Variants in GABRA2 observed in about 807,000 individuals in gnomAD.
GABRA2 encodes the protein gamma-aminobutyric acid receptor subunit alpha-2.
In GABRA2, 16 loss-of-function variants were observed where a neutral mutation model predicts 48.7. The observed-to-expected ratio is 0.33, with a 90% CI of 0.22 to 0.50. The LOEUF is 0.50. Among genes scored for constraint, GABRA2 ranks in the 20% least tolerant of loss-of-function variants. The pLI is 0.98. For synonymous variants in GABRA2, 185 were observed against 184.5 expected, an observed-to-expected ratio of 1.00 and a Z score of -0.02; for missense variants, 275 against 535.6, an observed-to-expected ratio of 0.51 and a Z score of 4.80.
At chr4:46,371,380 T>G (rs879677721) in intron 3 of GABRA2, among the ~76,000 whole-genome samples, 3 of 152,144 alleles carry the variant, frequency 2.0e-5, no homozygotes, top group African/African-American at 4.8e-5. Context: ...GTGTGGTAAT[T>G]TTTTACCATA....
At chr4:46,353,027 A>G (rs1735395867) in intron 3 of GABRA2, among the ~76,000 whole-genome samples, 1 of 152,094 alleles carries the variant, frequency 6.6e-6, no homozygotes, top group Non-Finnish European at 1.5e-5. Flanking sequence ...TGTGCATATC[A>G]TTTTTAATAA....
chr4:46,347,803 GA>G lies in GABRA2; in HGVS notation c.188-15122del, dbSNP rs749257090. ...AAGGAAACAATTAGCAGATGGAAGA[GA>G]AAAAAACACAGACTGGGAGAAAATA... On this transcript the variant is annotated intron_variant, in intron 3 of 9. Transcript: ENST00000381620. Among the ~76,000 whole-genome samples, 47 of 151,872 alleles carry G rather than the reference GA, an allele frequency of 3.1e-4. 1 individual carries two copies. The East Asian group carries it at 5.6e-3, about 18-fold the overall frequency.
chr4:46,354,580 T>C (rs1735669556), intron 3 of GABRA2, among the ~76,000 whole-genome samples: 1 of 152,126 alleles, frequency 6.6e-6, no homozygotes, highest in Non-Finnish European at 1.5e-5. Flanking sequence ...CTTCTAAGTG[T>C]CTCTAATGAT....
intron 3 of GABRA2, among the ~76,000 whole-genome samples, chr4:46,333,681 C>T (rs1414696441): frequency 1.3e-5 from 2 of 152,124 alleles, no homozygotes; most frequent in East Asian, 1.9e-4. Flanking sequence ...ACTTTGAATG[C>T]CTACTACATA....
intron 3 of GABRA2, among the ~76,000 whole-genome samples, chr4:46,363,249 C>T (rs892805475): frequency 2.6e-5 from 4 of 151,818 alleles, no homozygotes; most frequent in Non-Finnish European, 5.9e-5. Flanking sequence ...AATAAAGTGG[C>T]CGGGGGAGTA....
At chr4:46,316,734 T>C (rs1341134683) in intron 4 of GABRA2, among the ~76,000 whole-genome samples, 1 of 151,968 alleles carries the variant, frequency 6.6e-6, no homozygotes, top group Admixed American at 6.6e-5. Flanking sequence ...ATAAATAATA[T>C]ATGTTCATGT....
At chr4:46,347,188 A>G (rs1353074547) in intron 3 of GABRA2, among the ~76,000 whole-genome samples, 1 of 151,996 alleles carries the variant, frequency 6.6e-6, no homozygotes, top group Non-Finnish European at 1.5e-5. Context: ...TACAGATTCA[A>G]TGCAATTCCT....
chr4:46,296,943 G>A (rs1489906780), intron 8 of GABRA2, among the ~76,000 whole-genome samples: 1 of 152,116 alleles, frequency 6.6e-6, no homozygotes, highest in Non-Finnish European at 1.5e-5. Flanking sequence ...TTGGCATTTG[G>A]GTTGGGGATT....
intron 3 of GABRA2, among the ~76,000 whole-genome samples, chr4:46,335,761 G>T (rs1330279042): frequency 6.6e-6 from 1 of 151,996 alleles, no homozygotes; most frequent in Non-Finnish European, 1.5e-5. Context: ...ATGAGCCACC[G>T]TGCCTGGCCC....
intron 8 of GABRA2, among the ~76,000 whole-genome samples, chr4:46,263,260 A>C (rs185111912): frequency 2.0e-5 from 3 of 152,084 alleles, no homozygotes; most frequent in Admixed American, 2.0e-4. Flanking sequence ...GTATTGAGGA[A>C]GATATGGGGC....
At chr4:46,339,340 G>C (rs1732808292) in intron 3 of GABRA2, among the ~76,000 whole-genome samples, 1 of 151,790 alleles carries the variant, frequency 6.6e-6, no homozygotes, top group Non-Finnish European at 1.5e-5. Flanking sequence ...ATCACAGAAA[G>C]TTCTGTAAAA....
At chr4:46,294,319 A>G (rs1418942500) in intron 8 of GABRA2, among the ~76,000 whole-genome samples, 1 of 152,206 alleles carries the variant, frequency 6.6e-6, no homozygotes, top group Non-Finnish European at 1.5e-5. Flanking sequence ...GGGCACTTCT[A>G]CCTCAGTAAA....
chr4:46,277,861 T>C (rs1403441693), intron 8 of GABRA2, among the ~76,000 whole-genome samples: 1 of 152,200 alleles, frequency 6.6e-6, no homozygotes, highest in Non-Finnish European at 1.5e-5. Flanking sequence ...GAGTCCCTGC[T>C]TTACCAGATC....
At chr4:46,283,622 A>G (rs188864168) in intron 8 of GABRA2, among the ~76,000 whole-genome samples, 22 of 152,358 alleles carry the variant, frequency 1.4e-4, no homozygotes, top group Admixed American at 1.2e-3. Context: ...TTACTCTAAA[A>G]TTGATATAAA....
chr4:46,277,984 TAGAC>T (rs954411854), intron 8 of GABRA2, among the ~76,000 whole-genome samples: 1 of 152,228 alleles, frequency 6.6e-6, no homozygotes, highest in Non-Finnish European at 1.5e-5. Flanking sequence ...TCTATCTAGC[TAGAC>T]AGTTTTCATG....
At chr4:46,323,039 G>C (rs1420436431) in intron 4 of GABRA2, among the ~76,000 whole-genome samples, 1 of 151,294 alleles carries the variant, frequency 6.6e-6, no homozygotes, top group Non-Finnish European at 1.5e-5. Flanking sequence ...TTTAAATATT[G>C]TTGTCTTTTA....
At chr4:46,388,980 C>T in intron 1 of GABRA2, 13 of 1,245,380 alleles carry the variant, frequency 1.0e-5, no homozygotes, top group Middle Eastern at 3.2e-4. Context: ...AGTAATCAGA[C>T]TTCTCTCTGC....
At chr4:46,293,997 G>C (rs1376627767) in intron 8 of GABRA2, among the ~76,000 whole-genome samples, 1 of 152,174 alleles carries the variant, frequency 6.6e-6, no homozygotes, top group Non-Finnish European at 1.5e-5. Context: ...CTGGTACCTG[G>C]TATGCAGCCA....
In GABRA2 at chr4:46,386,160, T is replaced by G; in HGVS notation, c.101A>C (p.Glu34Ala). The stretch of plus-strand genomic sequence containing the variant: ...AAAGATGGTAATGTTATTTTTAGCC[T>G]CATCTTCTTGGATGTTAGCCAGCAC... ...RLVLANIQED[E>A]AKNNITIFTR... Residue 34 changes from glutamate (E) to alanine (A), a missense_variant, in exon 3 of 10, where the codon GAG becomes GCG. Glu to Ala is a moderately radical substitution (Grantham distance 107). This residue lies in a region of GABRA2 where 39 missense variants were observed against 40.5 expected (regional missense o/e 0.96). Coordinates refer to ENST00000381620, the MANE Select transcript of GABRA2 (RefSeq NM_000807.4). The G allele has an allele frequency of 6.2e-7, 1 of 1,610,676 alleles. No homozygotes were observed. The highest frequency in any genetic ancestry group is 8.5e-7 in the Non-Finnish European group (1 of 1,178,538).
Sources: allele counts gnomAD v4.1 joint callset (sites outside exome capture counted in the v4.1 genomes callset), GRCh38; gene constraint gnomAD v4.1.1; regional missense constraint gnomAD v4.1.1; transcripts MANE v1.5; gene names NCBI Gene and HGNC (gene_info 2026-07-23, HGNC 2026-07-21).